Variants in SOAT1 observed in about 807,000 individuals in gnomAD.
SOAT1 encodes sterol O-acyltransferase 1.
Under a neutral mutation model 69.5 loss-of-function variants are expected in SOAT1, and 55 were observed. That is an observed-to-expected ratio of 0.79 (90% CI 0.64 to 0.99). The LOEUF is 0.99. SOAT1 is among the 50% of genes least tolerant of loss of function. The probability of loss-of-function intolerance (pLI) is 0.00; values close to 1 mark genes in which losing one functional copy is unlikely to be tolerated. For missense variants in SOAT1, 580 were observed against 669.3 expected, an observed-to-expected ratio of 0.87 and a Z score of 1.47; for synonymous variants, 231 against 224.7, an observed-to-expected ratio of 1.03 and a Z score of -0.25.
At chr1:179,349,686 A>C (rs1348123498) in intron 13 of SOAT1, among the ~76,000 whole-genome samples, 1 of 152,162 alleles carries the variant, frequency 6.6e-6, no homozygotes, top group Non-Finnish European at 1.5e-5. Context: ...CCAATCAGTG[A>C]CACCTGGCTT....
chr1:179,351,462 T>C lies in SOAT1; in HGVS notation c.1596T>C (p.Asn532=), dbSNP rs199593729. The change falls in exon 15 of 16, where the codon AAT becomes AAC. Residue 532 remains asparagine, a splice_region_variant and synonymous_variant. Coordinates refer to ENST00000367619, the MANE Select transcript of SOAT1 (RefSeq NM_003101.6). ...WYARQHCPLK[N]PTFLDYVRPR... is the part of the protein sequence containing the mutation. ...CACGTCAGCACTGTCCTCTGAAAAA[T>C]GTGAGTCACCAACCTGGTTGGAGTG... The C allele has an allele frequency of 7.4e-6, 12 of 1,611,312 alleles. No homozygotes were observed. Among genetic ancestry groups the C allele is most frequent in the Non-Finnish European group, 9.3e-6 (11 of 1,179,362 alleles).
chr1:179,338,938 A>T (rs920838323), intron 5 of SOAT1, among the ~76,000 whole-genome samples: 2 of 152,132 alleles, frequency 1.3e-5, no homozygotes, highest in African/African-American at 4.8e-5. Context: ...TTTTAGTCAG[A>T]TATAAAAGAT....
chr1:179,307,012 CTTAATG>C (rs1194865326), intron 2 of SOAT1, among the ~76,000 whole-genome samples: 3 of 152,212 alleles, frequency 2.0e-5, no homozygotes. Flanking sequence ...GCCTTGCATA[CTTAATG>C]TTAAATGAAA....
At chr1:179,320,267 C>T (rs138122316) in intron 2 of SOAT1, among the ~76,000 whole-genome samples, 14 of 152,128 alleles carry the variant, frequency 9.2e-5, no homozygotes, top group African/African-American at 3.1e-4. Context: ...TCAGTTGTCC[C>T]AGCTCCATTT....
Position 179,323,440 on chromosome 1 carries a change from G to C in SOAT1, c.122G>C (p.Arg41Pro). 6.2e-7 allele frequency: 1 copy of C among 1,613,484 alleles called. No homozygotes were observed. Among genetic ancestry groups the C allele is most frequent in the Non-Finnish European group, 8.5e-7 (1 of 1,179,728 alleles). ...TCATGTTTTTTTCTTCCCGTAGGTC[G>C]AATTGACATAAAACAGTTGATAGCA... ...KESLETPSNG[R>P]IDIKQLIAKK... is the part of the protein sequence containing the mutation. Residue 41 changes from arginine to proline, a missense_variant, in exon 3 of 16, where the codon CGA becomes CCA. By Grantham distance (103) the Arg-to-Pro change is moderately radical. Coordinates refer to ENST00000367619, the MANE Select transcript of SOAT1 (RefSeq NM_003101.6).
intron 3 of SOAT1, among the ~76,000 whole-genome samples, chr1:179,330,218 G>C (rs911375310): frequency 2.0e-5 from 3 of 152,138 alleles, no homozygotes; most frequent in Non-Finnish European, 2.9e-5. Flanking sequence ...TGATTAGTTG[G>C]GGTTGAAATC....
chr1:179,297,051 A>C (rs1664673947), intron 1 of SOAT1, among the ~76,000 whole-genome samples: 1 of 152,164 alleles, frequency 6.6e-6, no homozygotes, highest in Non-Finnish European at 1.5e-5. Flanking sequence ...ACTTTGAACA[A>C]GTTTGTTAGC....
chr1:179,314,613 G>A lies in SOAT1; in HGVS notation c.119-8824G>A, dbSNP rs1050771028. On this transcript the variant is annotated intron_variant, in intron 2 of 15. Coordinates refer to ENST00000367619, the MANE Select transcript of SOAT1 (RefSeq NM_003101.6). ...TTGTTTTATTTTTTTGTAGAGAATG[G>A]GGGGGTCTCACTTTGTTGCTCAGGC... Among the ~76,000 whole-genome samples the A allele has an allele frequency of 2.0e-5, 3 of 151,988 alleles. No individual in the cohort carries two copies. The South Asian group carries it at 6.2e-4, about 32-fold the overall frequency.
chr1:179,319,224 T>C (rs774826414), intron 2 of SOAT1, among the ~76,000 whole-genome samples: 1 of 151,640 alleles, frequency 6.6e-6, no homozygotes, highest in Non-Finnish European at 1.5e-5. Flanking sequence ...GTGTGGTTAT[T>C]GGGCTTTTTT....
At chr1:179,328,293 C>G (rs1665855939) in intron 3 of SOAT1, among the ~76,000 whole-genome samples, 1 of 152,102 alleles carries the variant, frequency 6.6e-6, no homozygotes, top group South Asian at 2.1e-4. Context: ...TAACAGAAGC[C>G]TACTTTGGTT....
intron 15 of SOAT1, among the ~76,000 whole-genome samples, chr1:179,352,581 C>T (rs1666775093): frequency 6.6e-6 from 1 of 152,116 alleles, no homozygotes; most frequent in Admixed American, 6.6e-5. Flanking sequence ...AGCTATTTGT[C>T]TCAAGTTCAT....
At chr1:179,344,119 T>TAA (rs71111910) in intron 10 of SOAT1, among the ~76,000 whole-genome samples, 3 of 145,350 alleles carry the variant, frequency 2.1e-5, no homozygotes, top group African/African-American at 7.5e-5. Flanking sequence ...AGACTCCATC[T>TAA]AAAAAAAAAA....
intron 15 of SOAT1, among the ~76,000 whole-genome samples, chr1:179,352,995 T>C (rs1392815151): frequency 1.3e-5 from 2 of 150,548 alleles, no homozygotes; most frequent in South Asian, 2.1e-4. Context: ...TTCTGAACTT[T>C]TGTAGTGCTT....
chr1:179,345,507 C>A (rs529121789), intron 11 of SOAT1, among the ~76,000 whole-genome samples: 1 of 152,000 alleles, frequency 6.6e-6, no homozygotes, highest in African/African-American at 2.4e-5. Context: ...AAGTTGACCT[C>A]CATGAAGCAT....
At chr1:179,315,263 A>G (rs908701917) in intron 2 of SOAT1, among the ~76,000 whole-genome samples, 9 of 152,142 alleles carry the variant, frequency 5.9e-5, no homozygotes, top group African/African-American at 2.2e-4. Context: ...TGGGCAACAT[A>G]GCGAGGCTCT....
chr1:179,310,687 C>T (rs1665192792), intron 2 of SOAT1, among the ~76,000 whole-genome samples: 1 of 152,122 alleles, frequency 6.6e-6, no homozygotes, highest in African/African-American at 2.4e-5. Context: ...TTGTGGAGAA[C>T]AAAGTGAAGC....
intron 3 of SOAT1, among the ~76,000 whole-genome samples, chr1:179,324,633 C>T (rs1219564257): frequency 6.6e-6 from 1 of 152,154 alleles, no homozygotes; most frequent in Non-Finnish European, 1.5e-5. Context: ...AAGCCTCCAG[C>T]ACTACAGTGA....
chr1:179,347,701 G>A lies in SOAT1; in HGVS notation c.1215+4G>A. The A allele has an allele frequency of 6.5e-7, 1 of 1,547,574 alleles. No individual in the cohort carries two copies. The highest frequency in any genetic ancestry group is 8.9e-7 in the Non-Finnish European group (1 of 1,125,092). The stretch of plus-strand genomic sequence containing the variant: ...TGGTGACAGGATGTTCTATAAGGTA[G>A]TATATACTTAGACTTAGCTTTCTTT... On this transcript the variant is annotated splice_donor_region_variant and intron_variant, in intron 12 of 15. Transcript: ENST00000367619.
chr1:179,349,364 G>A (rs1453810287), intron 13 of SOAT1, among the ~76,000 whole-genome samples: 1 of 122,438 alleles, frequency 8.2e-6, no homozygotes, highest in East Asian at 2.3e-4. Flanking sequence ...TTTCGCTCTT[G>A]TTGCCCAGGC....
Sources: allele counts gnomAD v4.1 joint callset (sites outside exome capture counted in the v4.1 genomes callset), GRCh38; gene constraint gnomAD v4.1.1; transcripts MANE v1.5; gene names NCBI Gene and HGNC (gene_info 2026-07-23, HGNC 2026-07-21).